Variants in EXT1 observed in about 807,000 individuals in gnomAD.
EXT1 encodes exostosin-1.
In EXT1, 20 loss-of-function variants were observed where a neutral mutation model predicts 82.5. The observed-to-expected ratio is 0.24, with a 90% CI of 0.17 to 0.35. EXT1 has a LOEUF of 0.35. EXT1 is among the 10% of genes least tolerant of loss of function. The pLI is 1.00. For missense variants in EXT1, 757 were observed against 936.5 expected (o/e 0.81, Z 2.50); for synonymous variants, 348 against 350.8 (o/e 0.99, Z 0.09).
At chr8:117,980,684 T>G in intron 1 of EXT1, among the ~76,000 whole-genome samples, 1 of 148,664 alleles carries the variant, frequency 6.7e-6, no homozygotes, top group East Asian at 2.0e-4. Context: ...GGTTTGTTTG[T>G]TCGGGTGTTG....
chr8:117,856,252 C>CT (rs941357298), intron 1 of EXT1, among the ~76,000 whole-genome samples: 2,129 of 135,460 alleles, frequency 0.016, 13 homozygotes, highest in Non-Finnish European at 0.018. Flanking sequence ...AAGGCTTTTT[C>CT]TTTTTTTTTT....
Position 117,818,539 on chromosome 8 carries a change from G to A in EXT1, c.1537-9C>T. 6.2e-7 allele frequency: 1 copy of A among 1,609,622 alleles called. No homozygotes were observed. The highest frequency in any genetic ancestry group is 8.5e-7 in the Non-Finnish European group (1 of 1,175,948). ...TTCCATAGAACTATGATCTGAAAGG[G>A]ATGGGGCTCATTAGATGGCTGGGGT... On this transcript the variant is annotated splice_polypyrimidine_tract_variant and intron_variant, in intron 6 of 10. Coordinates refer to ENST00000378204, the MANE Select transcript of EXT1 (RefSeq NM_000127.3).
intron 1 of EXT1, among the ~76,000 whole-genome samples, chr8:117,924,063 G>A (rs995032591): frequency 5.3e-5 from 8 of 152,224 alleles, no homozygotes; most frequent in Non-Finnish European, 7.3e-5. Flanking sequence ...TTCGTATCAC[G>A]TGGGAGCATG....
At chr8:117,922,533 C>T (rs1220475055) in intron 1 of EXT1, among the ~76,000 whole-genome samples, 1 of 152,134 alleles carries the variant, frequency 6.6e-6, no homozygotes, top group Non-Finnish European at 1.5e-5. Context: ...CAGTCAGTAA[C>T]CGATCCACCT....
intron 1 of EXT1, among the ~76,000 whole-genome samples, chr8:117,873,524 C>T (rs1476304238): frequency 6.4e-5 from 9 of 141,338 alleles, no homozygotes; most frequent in Admixed American, 4.6e-4. Context: ...GATGTGATCT[C>T]GGCTCACTAT....
intron 1 of EXT1, among the ~76,000 whole-genome samples, chr8:117,962,789 G>T (rs1191353582): frequency 7.5e-6 from 1 of 133,918 alleles, no homozygotes; most frequent in Non-Finnish European, 1.5e-5. Flanking sequence ...GAGAAAAAAT[G>T]GTGGCACACA....
intron 1 of EXT1, among the ~76,000 whole-genome samples, chr8:117,953,939 TA>T (rs1204796691): frequency 1.3e-5 from 2 of 151,856 alleles, no homozygotes; most frequent in Admixed American, 1.3e-4. Flanking sequence ...AAAATAAAAA[TA>T]AAAAAACTGT....
intron 1 of EXT1, among the ~76,000 whole-genome samples, chr8:118,073,654 G>GC (rs1817145241): frequency 7.1e-6 from 1 of 140,078 alleles, no homozygotes; most frequent in Non-Finnish European, 1.5e-5. Context: ...GAAGAGAAGA[G>GC]AAGAGAAGAG....
At chr8:118,029,334 G>A (rs1320161170) in intron 1 of EXT1, among the ~76,000 whole-genome samples, 2 of 152,146 alleles carry the variant, frequency 1.3e-5, no homozygotes, top group African/African-American at 4.8e-5. Context: ...GCTGAGGTGG[G>A]AGAATCACTT....
chr8:117,810,780 T>C (rs972473700), intron 8 of EXT1, among the ~76,000 whole-genome samples: 1 of 152,170 alleles, frequency 6.6e-6, no homozygotes, highest in African/African-American at 2.4e-5. Flanking sequence ...TGCCCTCAGA[T>C]AATGGACCCC....
intron 1 of EXT1, among the ~76,000 whole-genome samples, chr8:118,073,609 G>A (rs1014515547): frequency 1.4e-5 from 2 of 144,396 alleles, no homozygotes; most frequent in African/African-American, 2.7e-5. Context: ...TACAGAGAGA[G>A]GAAAGGAAGA....
chr8:118,081,732 G>A (rs927802317), intron 1 of EXT1, among the ~76,000 whole-genome samples: 35 of 152,256 alleles, frequency 2.3e-4, no homozygotes, highest in Admixed American at 8.5e-4. Flanking sequence ...TGATGCTGGC[G>A]TGCTTTTAAT....
chr8:117,851,623 A>ACACG (rs1294773045), intron 1 of EXT1, among the ~76,000 whole-genome samples: 3 of 84,500 alleles, frequency 3.6e-5, no homozygotes, highest in Non-Finnish European at 6.9e-5. Flanking sequence ...CTGGACACAC[A>ACACG]CACACACACA....
rs4366105 is a variant in EXT1 at position 117,822,898 on chromosome 8, G to A, written c.1285-301C>T. ...CCATGCTCATTCCAAAATAGACTGTGTGGAGCAGTTAGTCTTTCCCTGATG... is the reference window on the plus strand; with the variant it reads ...CCATGCTCATTCCAAAATAGACTGTATGGAGCAGTTAGTCTTTCCCTGATG... On this transcript the variant is annotated intron_variant, in intron 4 of 10. Transcript: ENST00000378204. Among the ~76,000 whole-genome samples, 34,247 of 152,066 alleles carry A rather than the reference G, an allele frequency of 0.23. 4,514 individuals are homozygous for A. The highest frequency in any genetic ancestry group is 0.37 in the Middle Eastern group (110 of 294).
chr8:118,074,462 G>GA (rs1817167237), intron 1 of EXT1, among the ~76,000 whole-genome samples: 1 of 152,204 alleles, frequency 6.6e-6, no homozygotes, highest in Non-Finnish European at 1.5e-5. Flanking sequence ...CTGTGGTGCA[G>GA]GCAGAGGGCG....
intron 1 of EXT1, among the ~76,000 whole-genome samples, chr8:117,865,472 G>A (rs541158382): frequency 1.6e-4 from 25 of 152,278 alleles, no homozygotes; most frequent in African/African-American, 5.8e-4. Flanking sequence ...ATTATAGAGC[G>A]AGAAAAACAT....
In EXT1 at chr8:118,110,244, C is replaced by T. The variant is rs886039352; in HGVS notation, c.803G>A (p.Gly268Glu). ...PLRKYMLVFKGKRYLTGIGSD... is the reference protein window; with the variant it reads ...PLRKYMLVFKEKRYLTGIGSD... ...TCCTATCCCTGTCAGGTACCTCTTC[C>T]CCTTGAATACCAGCATGTACTTCCT... is the stretch of plus-strand genomic sequence containing the variant. Residue 268 changes from glycine (G) to glutamate (E), a missense_variant, in exon 1 of 11, where the codon GGG becomes GAG. Physicochemically the swap from Gly to Glu is moderately conservative, Grantham distance 98 (BLOSUM62 -2). This residue lies in a region of EXT1 where 247 missense variants were observed against 330.1 expected (regional missense o/e 0.75). Coordinates refer to ENST00000378204, the MANE Select transcript of EXT1 (RefSeq NM_000127.3). 1 of 1,614,160 alleles carries T rather than the reference C, an allele frequency of 6.2e-7. No homozygotes were observed. Among genetic ancestry groups the T allele is most frequent in the Non-Finnish European group, 8.5e-7 (1 of 1,180,038 alleles).
intron 1 of EXT1, among the ~76,000 whole-genome samples, chr8:117,955,587 A>G (rs1226547622): frequency 6.7e-6 from 1 of 149,588 alleles, no homozygotes; most frequent in Non-Finnish European, 1.5e-5. Flanking sequence ...ACAGAGTCTC[A>G]CTCTGTTGCC....
In EXT1 at chr8:117,925,572, T is replaced by C. The variant is rs576341204; in HGVS notation, c.963-88371A>G. ...GAACAGATCTGAAGTAGTTTTGACA[T>C]AAAAACAAGAAATTGGCCAGGTGTG... is the stretch of plus-strand genomic sequence containing the variant. On this transcript the variant is annotated intron_variant, in intron 1 of 10. Coordinates refer to ENST00000378204, the MANE Select transcript of EXT1 (RefSeq NM_000127.3). Among the ~76,000 whole-genome samples the C allele has an allele frequency of 4.0e-5, 6 of 151,554 alleles. No individual in the cohort carries two copies. The South Asian group carries it at 1.3e-3, about 32-fold the overall frequency.
Sources: allele counts gnomAD v4.1 joint callset (sites outside exome capture counted in the v4.1 genomes callset), GRCh38; gene constraint gnomAD v4.1.1; regional missense constraint gnomAD v4.1.1; transcripts MANE v1.5; gene names NCBI Gene and HGNC (gene_info 2026-07-23, HGNC 2026-07-21).